The following IL1RAPL1 variants were observed in gnomAD, a reference collection of about 807,000 sequenced individuals.
The protein encoded by IL1RAPL1 is interleukin-1 receptor accessory protein-like 1.
A neutral mutation model predicts 48.4 loss-of-function variants in IL1RAPL1; 3 were observed. The observed-to-expected ratio is 0.06, with a 90% CI of 0.03 to 0.16. IL1RAPL1 has a LOEUF of 0.16. Among genes scored for constraint, IL1RAPL1 ranks in the 10% least tolerant of loss-of-function variants. The pLI, the probability that IL1RAPL1 is intolerant of heterozygous loss-of-function variation, is 1.00. For synonymous variants in IL1RAPL1, 185 were observed against 187.7 expected (o/e 0.99, Z 0.12); for missense variants, 349 against 530.6 (o/e 0.66, Z 3.36).
intron 5 of IL1RAPL1, among the ~76,000 whole-genome samples, chrX:29,594,909 A>G (rs753165530): frequency 9.0e-6 from 1 of 110,919 alleles, no homozygotes; most frequent in South Asian, 3.8e-4. Context: ...CCCAGTCCCT[A>G]AACTCCAATG....
In IL1RAPL1 at chrX:29,230,528, A is replaced by AAAAAAAAAAAC. The variant is rs748535251; in HGVS notation, c.83-52403_83-52402insAAACAAAAAAA. ...CCAAAAAAAAAAAAAAAAAAAAAAA[A>AAAAAAAAAAAC]AAAAAAACCTTGTTGTCTCTCAGGC... On this transcript the variant is annotated intron_variant, in intron 2 of 10. Coordinates refer to ENST00000378993, the MANE Select transcript of IL1RAPL1 (RefSeq NM_014271.4). Among the ~76,000 whole-genome samples, 91 of 99,095 alleles carry AAAAAAAAAAAC rather than the reference A, an allele frequency of 9.2e-4. 4 individuals carry two copies. Among genetic ancestry groups the AAAAAAAAAAAC allele is most frequent in the Non-Finnish European group, 1.6e-3 (79 of 48,829 alleles). The allele number at this position is 99,095 out of a possible 115,157, so 86.1% of individuals were successfully genotyped here.
chrX:28,713,114 C>T (rs1935460764), intron 1 of IL1RAPL1, among the ~76,000 whole-genome samples: 1 of 110,347 alleles, frequency 9.1e-6, no homozygotes, highest in Admixed American at 9.7e-5. Context: ...AGTGCAGTGG[C>T]CTGATCTCGG....
At chrX:28,696,848 C>A (rs1358623300) in intron 1 of IL1RAPL1, among the ~76,000 whole-genome samples, 1 of 111,413 alleles carries the variant, frequency 9.0e-6, no homozygotes, top group Non-Finnish European at 1.9e-5. Flanking sequence ...CCCTATTTGC[C>A]ACAGGCACAT....
At chrX:29,701,407 G>C (rs1175146037) in intron 6 of IL1RAPL1, among the ~76,000 whole-genome samples, 1 of 112,025 alleles carries the variant, frequency 8.9e-6, no homozygotes, top group Non-Finnish European at 1.9e-5. Context: ...GTTAGTTGTT[G>C]CTGTTGTTGT....
intron 1 of IL1RAPL1, among the ~76,000 whole-genome samples, chrX:28,622,842 T>G (rs1056746604): frequency 8.0e-5 from 9 of 112,075 alleles, no homozygotes; most frequent in African/African-American, 2.9e-4. Context: ...CGTTTAATTT[T>G]CTACTCTGAC....
intron 2 of IL1RAPL1, among the ~76,000 whole-genome samples, chrX:29,092,921 A>C (rs1251480231): frequency 8.9e-6 from 1 of 111,983 alleles, no homozygotes; most frequent in East Asian, 2.8e-4. Flanking sequence ...AGTGACTTTG[A>C]CTCAGCAAAT....
At chrX:29,050,812 CTTTA>C (rs1327294645) in intron 2 of IL1RAPL1, among the ~76,000 whole-genome samples, 1 of 112,029 alleles carries the variant, frequency 8.9e-6, no homozygotes, top group Non-Finnish European at 1.9e-5. Context: ...CATTTAAGTG[CTTTA>C]TTTGTCAGGA....
At chrX:29,592,263 G>GT (rs1287185846) in intron 5 of IL1RAPL1, among the ~76,000 whole-genome samples, 1 of 111,576 alleles carries the variant, frequency 9.0e-6, no homozygotes, top group African/African-American at 3.3e-5. Context: ...TAGATTAGTT[G>GT]TATCATCTGT....
At chrX:29,140,168 G>A (rs776628452) in intron 2 of IL1RAPL1, among the ~76,000 whole-genome samples, 47 of 110,777 alleles carry the variant, frequency 4.2e-4, no homozygotes, top group Non-Finnish European at 8.1e-4. Context: ...CAGGAACTAG[G>A]ACTAGAATTC....
chrX:29,939,861 A>ATT (rs35163237), intron 8 of IL1RAPL1, among the ~76,000 whole-genome samples: 2,665 of 89,966 alleles, frequency 0.03, 135 homozygotes, highest in African/African-American at 0.1. Flanking sequence ...ATGAATGAGG[A>ATT]TTTTTTTTTT....
intron 6 of IL1RAPL1, among the ~76,000 whole-genome samples, chrX:29,915,900 TCCCCC>T (rs1932796736): frequency 3.5e-5 from 1 of 28,793 alleles, no homozygotes; most frequent in Non-Finnish European, 5.9e-5. Context: ...CCCTCCCCCC[TCCCCC>T]CACCCCACCA....
intron 3 of IL1RAPL1, among the ~76,000 whole-genome samples, chrX:29,305,354 A>G (rs1176738795): frequency 8.9e-6 from 1 of 111,898 alleles, no homozygotes; most frequent in African/African-American, 3.2e-5. Context: ...AGTCATGACA[A>G]TTTTGTAATC....
chrX:28,745,566 C>T (rs956109280), intron 1 of IL1RAPL1, among the ~76,000 whole-genome samples: 1 of 110,573 alleles, frequency 9.0e-6, no homozygotes, highest in Non-Finnish European at 1.9e-5. Context: ...CTACATAAAA[C>T]GAGTTCAGGA....
At chrX:28,901,584 GA>G (rs1923076272) in intron 2 of IL1RAPL1, among the ~76,000 whole-genome samples, 1 of 111,342 alleles carries the variant, frequency 9.0e-6, no homozygotes. Context: ...TTTGTTGTGA[GA>G]GTCTCTTGCC....
At chrX:28,849,006 C>T (rs894560617) in intron 2 of IL1RAPL1, among the ~76,000 whole-genome samples, 1 of 111,231 alleles carries the variant, frequency 9.0e-6, no homozygotes, top group African/African-American at 3.3e-5. Flanking sequence ...CAGCCCTAAG[C>T]TGATAGTATT....
chrX:29,049,879 A>G (rs1340474975), intron 2 of IL1RAPL1, among the ~76,000 whole-genome samples: 1 of 112,432 alleles, frequency 8.9e-6, no homozygotes, highest in Non-Finnish European at 1.9e-5. Flanking sequence ...ACATTCGTTA[A>G]AACTAAGAAA....
chrX:28,854,728 G>C (rs1187253647), intron 2 of IL1RAPL1, among the ~76,000 whole-genome samples: 4 of 111,013 alleles, frequency 3.6e-5, no homozygotes, highest in Non-Finnish European at 7.6e-5. Context: ...AGAATTGTTA[G>C]GAAAGTAAGA....
intron 2 of IL1RAPL1, among the ~76,000 whole-genome samples, chrX:29,254,728 G>A (rs920449767): frequency 2.7e-5 from 3 of 111,362 alleles, no homozygotes; most frequent in African/African-American, 6.5e-5. Flanking sequence ...TAAAATTGAT[G>A]TTGGCAGCCT....
At chrX:28,746,383 G>A (rs1024410996) in intron 1 of IL1RAPL1, among the ~76,000 whole-genome samples, 10 of 111,598 alleles carry the variant, frequency 9.0e-5, no homozygotes, top group African/African-American at 2.9e-4. Flanking sequence ...TACCATAAGC[G>A]GTAGAATGGG....
Sources: gnomAD v4.1 joint callset for allele counts (sites outside exome capture counted in the v4.1 genomes callset) on GRCh38, gnomAD v4.1.1 for gene constraint, MANE v1.5 for transcripts, NCBI Gene and HGNC (gene_info 2026-07-23, HGNC 2026-07-21) for gene names.